Variants in ADA observed in about 807,000 individuals in gnomAD.
The protein encoded by ADA is adenosine aminohydrolase.
Under a neutral mutation model 49.0 loss-of-function variants are expected in ADA, and 45 were observed. That is an observed-to-expected ratio of 0.92 (90% confidence interval 0.72 to 1.18). The LOEUF is 1.18. Among genes scored for constraint, ADA ranks in the 50% most tolerant of loss-of-function variants. The pLI is 0.00. For synonymous variants in ADA, 173 were observed against 184.2 expected, an observed-to-expected ratio of 0.94 and a Z score of 0.49; for missense variants, 445 against 472.5, an observed-to-expected ratio of 0.94 and a Z score of 0.54.
At chr20:44,642,851 C>T (rs997225094) in intron 1 of ADA, among the ~76,000 whole-genome samples, 3 of 152,128 alleles carry the variant, frequency 2.0e-5, no homozygotes, top group Non-Finnish European at 4.4e-5. Context: ...CAGACAGTGC[C>T]GGGGTGCAGA....
intron 9 of ADA, 146 bp downstream of exon 9, chr20:44,622,442 G>A (rs956960341): frequency 1.0e-6 from 1 of 978,272 alleles, no homozygotes; most frequent in African/African-American, 1.6e-5. Flanking sequence ...TTTGTAAGAT[G>A]AGGACGGCAA....
chr20:44,622,414 T>A (rs999025637), intron 9 of ADA, among the ~76,000 whole-genome samples, 174 bp downstream of exon 9: 1 of 152,234 alleles, frequency 6.6e-6, no homozygotes, highest in African/African-American at 2.4e-5. Context: ...ACAGCACATC[T>A]GGGCCTCGGA....
intron 1 of ADA, among the ~76,000 whole-genome samples, chr20:44,649,865 A>T (rs1419944733): frequency 6.7e-6 from 1 of 150,186 alleles, no homozygotes; most frequent in African/African-American, 2.5e-5. Flanking sequence ...CCTTCTGCGT[A>T]GCTGGGACTA....
chr20:44,622,422 G>A (rs895880183), intron 9 of ADA, among the ~76,000 whole-genome samples, 166 bp downstream of exon 9: 1 of 152,328 alleles, frequency 6.6e-6, no homozygotes, highest in Middle Eastern at 3.4e-3. Flanking sequence ...TCTGGGCCTC[G>A]GATTCCTCAT....
At chr20:44,636,041 T>C in intron 2 of ADA, 186 bp downstream of exon 2, 1 of 631,742 alleles carries the variant, frequency 1.6e-6, no homozygotes. Context: ...GGAGTTGGTC[T>C]GCGGGTCTCC....
chr20:44,629,182 CAGTG>C lies in ADA; in HGVS notation c.96-17_96-14del. 6.2e-7 allele frequency: 1 copy of C among 1,614,194 alleles called. No homozygotes were observed. On this transcript the variant is annotated splice_polypyrimidine_tract_variant and intron_variant, in intron 2 of 11. Coordinates refer to ENST00000372874, the MANE Select transcript of ADA (RefSeq NM_000022.4). The stretch of plus-strand genomic sequence containing the variant: ...GATCCCTCTCCTCCTGGAAACAAAA[CAGTG>C]AGTGGTGGACCAACCCGGGGCAGGA...
intron 1 of ADA, among the ~76,000 whole-genome samples, chr20:44,648,153 G>A (rs147283783): frequency 6.6e-6 from 1 of 152,266 alleles, no homozygotes; most frequent in East Asian, 1.9e-4. Flanking sequence ...CCAGGATGCA[G>A]AATGCCTGAG....
intron 1 of ADA, among the ~76,000 whole-genome samples, chr20:44,640,419 A>C (rs2065521085): frequency 6.6e-6 from 1 of 151,690 alleles, no homozygotes; most frequent in Non-Finnish European, 1.5e-5. Flanking sequence ...CCTCTCAAAA[A>C]AAAAATATTA....
At chr20:44,629,013 C>G in intron 3 of ADA, 34 bp downstream of exon 3, 1 of 1,613,920 alleles carries the variant, frequency 6.2e-7, no homozygotes, top group East Asian at 2.2e-5. Context: ...GGGATCAATG[C>G]TGCCCTAGGA....
At chr20:44,620,635 GAGAC>G in intron 10 of ADA, 1 of 604,022 alleles carries the variant, frequency 1.7e-6, no homozygotes, top group Non-Finnish European at 3.0e-6. Context: ...AAACCTTTGA[GAGAC>G]AGGGTGGCAT....
chr20:44,620,206 C>T (rs2065315105), intron 11 of ADA, 93 bp downstream of exon 11: 2 of 1,147,990 alleles, frequency 1.7e-6, no homozygotes, highest in Non-Finnish European at 1.3e-6. Context: ...TGGCGCTGCC[C>T]AAGAATGGAA....
intron 3 of ADA, among the ~76,000 whole-genome samples, chr20:44,628,642 A>T (rs1045350071): frequency 6.6e-6 from 1 of 151,836 alleles, no homozygotes; most frequent in Non-Finnish European, 1.5e-5. Context: ...TTCCCTGGCG[A>T]CTCAAGACAA....
At chr20:44,650,434 T>G (rs1353687491) in intron 1 of ADA, among the ~76,000 whole-genome samples, 1 of 139,356 alleles carries the variant, frequency 7.2e-6, no homozygotes, top group Non-Finnish European at 1.6e-5. Flanking sequence ...TTCTTTTTCT[T>G]CTCTTTTTTT....
chr20:44,638,475 G>A (rs1247814406), intron 1 of ADA, among the ~76,000 whole-genome samples: 1 of 152,216 alleles, frequency 6.6e-6, no homozygotes, highest in African/African-American at 2.4e-5. Flanking sequence ...TACTTGGGAG[G>A]CTGAGACAGG....
At chr20:44,637,678 C>T (rs1320829841) in intron 1 of ADA, among the ~76,000 whole-genome samples, 1 of 152,178 alleles carries the variant, frequency 6.6e-6, no homozygotes, top group East Asian at 1.9e-4. Flanking sequence ...CATGAGCTGC[C>T]TCCTGCAGAG....
At chr20:44,624,461 T>C (rs931013487) in intron 5 of ADA, 132 bp from the exon 6 acceptor site, 4 of 1,236,016 alleles carry the variant, frequency 3.2e-6, no homozygotes, top group South Asian at 1.2e-5. Context: ...CTTCAAATCC[T>C]AACTGCTATG....
At chr20:44,641,577 G>T (rs1390270338) in intron 1 of ADA, among the ~76,000 whole-genome samples, 3 of 152,062 alleles carry the variant, frequency 2.0e-5, no homozygotes, top group Non-Finnish European at 2.9e-5. Flanking sequence ...GTTGCATGAG[G>T]TTACTGGGAA....
chr20:44,638,061 G>A (rs1017664915), intron 1 of ADA, among the ~76,000 whole-genome samples: 6 of 152,152 alleles, frequency 3.9e-5, no homozygotes, highest in African/African-American at 1.4e-4. Context: ...GAGAGCCGGA[G>A]TCACACTGTA....
chr20:44,642,787 C>T (rs767766033), intron 1 of ADA, among the ~76,000 whole-genome samples: 2 of 152,132 alleles, frequency 1.3e-5, no homozygotes, highest in Non-Finnish European at 2.9e-5. Context: ...GAATAACATG[C>T]GGGAAGTACT....
Sources: allele counts gnomAD v4.1 joint callset (sites outside exome capture counted in the v4.1 genomes callset), GRCh38; gene constraint gnomAD v4.1.1; transcripts MANE v1.5; gene names NCBI Gene and HGNC (gene_info 2026-07-23, HGNC 2026-07-21).